Variants in WNK2 observed in about 807,000 individuals in gnomAD.
WNK2 encodes the protein WNK lysine deficient protein kinase 2.
A neutral mutation model predicts 192.1 loss-of-function variants in WNK2; 67 were observed. The observed-to-expected ratio is 0.35, with a 90% CI of 0.29 to 0.43. The LOEUF is 0.43. Ranked by LOEUF, WNK2 falls within the 20% of genes least tolerant of loss-of-function variation. The probability of loss-of-function intolerance (pLI) is 1.00; values close to 1 mark genes in which losing one functional copy is unlikely to be tolerated. For missense variants in WNK2, 2,698 were observed against 3,089.7 expected (o/e 0.87, Z 3.01); for synonymous variants, 1,439 against 1,393.9 (o/e 1.03, Z -0.72).
Position 93,247,710 on chromosome 9 carries a change from C to G in WNK2, c.1710C>G (p.Pro570=), listed in dbSNP as rs748583132. Residue 570 remains proline (P), a synonymous_variant, in exon 8 of 30, where the codon CCC becomes CCG. Transcript: ENST00000427277. This position sits in a 1 kb window ranked among gnomAD's most constrained non-coding sequence, Gnocchi z 5.2. ...SPDKARGPPV[P]LQVQVTYHAQ... is the part of the protein sequence containing the mutation. ...ACAAGGCCAGGGGTCCGCCGGTGCC[C>G]CTGCAGGTCCAGGTGACCTACCATG... The G allele has an allele frequency of 6.4e-7, 1 of 1,562,150 alleles. No individual in the cohort carries two copies. Among genetic ancestry groups the G allele is most frequent in the Non-Finnish European group, 8.7e-7 (1 of 1,153,746 alleles).
In WNK2 at chr9:93,234,963, T is replaced by A; in HGVS notation, c.1231T>A (p.Cys411Ser). The A allele has an allele frequency of 6.2e-7, 1 of 1,614,028 alleles. No homozygotes were observed. The highest frequency in any genetic ancestry group is 8.5e-7 in the Non-Finnish European group (1 of 1,179,906). ...GGCCCAGATCTACCGCAAGGTCACC[T>A]GTGTGAGTCCACCTGGCCCCTTGGT... The part of the protein sequence containing the change: ...NAAQIYRKVT[C>S]GIKPASFEKV... The change falls in exon 5 of 30, where the codon TGT becomes AGT. Residue 411 changes from cysteine to serine, a missense_variant and splice_region_variant. Transcript: ENST00000427277.
chr9:93,314,895 G>C (rs992398244), intron 28 of WNK2, among the ~76,000 whole-genome samples: 3 of 152,092 alleles, frequency 2.0e-5, no homozygotes, highest in African/African-American at 7.2e-5. Context: ...TTTCCCGGGG[G>C]GGGTTTTGCT....
In WNK2 at chr9:93,247,686, C is replaced by G. The variant is rs757865096; in HGVS notation, c.1686C>G (p.Asp562Glu). Residue 562 changes from aspartate to glutamate, a missense_variant, in exon 8 of 30, where the codon GAC (aspartate) becomes GAG (glutamate). Asp to Glu is a conservative substitution (Grantham distance 45). Coordinates refer to ENST00000427277, the MANE Select transcript of WNK2 (RefSeq NM_006648.4). This position sits in a 1 kb window ranked among gnomAD's most constrained non-coding sequence, Gnocchi z 5.2. ...AGCAGCAGGATGTGGGCAGCCCGGA[C>G]AAGGCCAGGGGTCCGCCGGTGCCCC... ...PKEQQDVGSP[D>E]KARGPPVPLQ... 6 of 1,572,404 alleles carry G rather than the reference C, an allele frequency of 3.8e-6. No individual in the cohort carries two copies. The African/African-American group carries it at 5.4e-5, about 14-fold the overall frequency.
At chr9:93,318,758 G>T in intron 29 of WNK2, 2 of 1,420,768 alleles carry the variant, frequency 1.4e-6, no homozygotes, top group South Asian at 3.1e-5. Context: ...CTGCTCTGCG[G>T]AGGGCGGGGT....
Position 93,264,044 on chromosome 9 carries a change from G to T in WNK2, c.3696+11G>T. 6.2e-7 allele frequency: 1 copy of T among 1,604,632 alleles called. No individual in the cohort carries two copies. The highest frequency in any genetic ancestry group is 1.3e-5 in the African/African-American group (1 of 74,866). On this transcript the variant is annotated intron_variant, in intron 16 of 29. Transcript: ENST00000427277. ...ATTGCCACGTATATGGTGAGGCTGGGTCTGGGTGGCTTGGCTCCCGGTGTT... is the reference window on the plus strand; with the variant it reads ...ATTGCCACGTATATGGTGAGGCTGGTTCTGGGTGGCTTGGCTCCCGGTGTT...
intron 19 of WNK2, among the ~76,000 whole-genome samples, chr9:93,269,498 C>T (rs1457612596): frequency 2.0e-5 from 3 of 152,126 alleles, no homozygotes; most frequent in African/African-American, 7.2e-5. Context: ...AGCCTAATAA[C>T]GAAATCCAAA....
chr9:93,214,305 ATT>A (rs1260656251), intron 2 of WNK2, among the ~76,000 whole-genome samples: 1 of 151,152 alleles, frequency 6.6e-6, no homozygotes. Flanking sequence ...TTATATATTT[ATT>A]TATTTATTTA....
intron 7 of WNK2, among the ~76,000 whole-genome samples, chr9:93,243,910 C>G (rs1267633590): frequency 6.6e-6 from 1 of 152,260 alleles, no homozygotes; most frequent in African/African-American, 2.4e-5. Flanking sequence ...ACACTAGCAC[C>G]TGGCTCTGAG....
chr9:93,293,208 C>T (rs1849654527), intron 23 of WNK2, 35 bp downstream of exon 23: 1 of 1,412,008 alleles, frequency 7.1e-7, no homozygotes, highest in South Asian at 1.6e-5. Context: ...TGCCCCCGCC[C>T]CTGGGCCATG....
intron 23 of WNK2, among the ~76,000 whole-genome samples, chr9:93,294,421 G>A (rs545590921): frequency 6.6e-6 from 1 of 152,332 alleles, no homozygotes; most frequent in African/African-American, 2.4e-5. Context: ...CTTGGTGGAG[G>A]CCAGAGAGTG....
intron 20 of WNK2, 99 bp downstream of exon 20, chr9:93,289,719 G>T: frequency 8.1e-7 from 1 of 1,230,750 alleles, no homozygotes; most frequent in Non-Finnish European, 1.1e-6. Context: ...ATGCAGAGCC[G>T]CCCTCACTCA....
rs952400417 is a variant in WNK2, at chr9:93,212,952, G to A, written c.682-16744G>A. ...TGTTCCCACCTTTTGAATGTGAAAC[G>A]TCATAGGTGGAGGTGGAGAAGTCCC... On this transcript the variant is annotated intron_variant, in intron 2 of 29. Transcript: ENST00000427277. Among the ~76,000 whole-genome samples the A allele has an allele frequency of 5.3e-5, 8 of 152,156 alleles. No individual in the cohort carries two copies. The South Asian group carries it at 6.2e-4, about 12-fold the overall frequency.
rs10114908 is a variant in WNK2, at chr9:93,259,469, G to A, written c.2921G>A (p.Arg974Gln). 1.2e-5 allele frequency: 13 copies of A among 1,104,174 alleles called. No homozygotes were observed. The highest frequency in any genetic ancestry group is 2.9e-5 in the Admixed American group (1 of 33,952). 68.4% of individuals were successfully genotyped at this position (1,104,174 alleles called of 1,614,324 possible). Residue 974 changes from arginine to glutamine, a missense_variant, in exon 12 of 30, where the codon CGG becomes CAG. Physicochemically the swap from Arg to Gln is conservative, Grantham distance 43. Around this residue, in one of 7 missense-constraint regions of WNK2, gnomAD observed 893 missense variants for 909.0 expected, o/e 0.98. Transcript: ENST00000427277. The surrounding 1 kb of genome is among the most constrained non-coding windows in gnomAD (Gnocchi z 4.8). ...PQPVLPPQPTRPPQPVLPPQP... is the reference protein window; with the variant it reads ...PQPVLPPQPTQPPQPVLPPQP... ...CCTGTGTTGCCCCCGCAACCCACAC[G>A]GCCCCCTCAACCTGTGCTGCCCCCG... is the stretch of plus-strand genomic sequence containing the variant.
At chr9:93,211,131 T>TATTC (rs1834458596) in intron 2 of WNK2, among the ~76,000 whole-genome samples, 49 of 8,104 alleles carry the variant, frequency 6.0e-3, no homozygotes, top group Admixed American at 9.4e-3. Context: ...TCCCCTCACT[T>TATTC]ACTCATCCAC....
chr9:93,223,675 C>G (rs983416853), intron 2 of WNK2, among the ~76,000 whole-genome samples: 2 of 152,200 alleles, frequency 1.3e-5, no homozygotes, highest in Admixed American at 6.5e-5. Context: ...GACCCTCTCT[C>G]CACTTTGTGG....
intron 2 of WNK2, among the ~76,000 whole-genome samples, chr9:93,197,591 A>G (rs938595833): frequency 9.2e-5 from 14 of 151,596 alleles, no homozygotes; most frequent in African/African-American, 3.4e-4. Context: ...CAGTGGTGTG[A>G]TCTTGGCTCA....
At chr9:93,299,560 T>A (rs544903887) in intron 25 of WNK2, among the ~76,000 whole-genome samples, 1 of 152,254 alleles carries the variant, frequency 6.6e-6, no homozygotes, top group Non-Finnish European at 1.5e-5. Flanking sequence ...CATCCGGCTG[T>A]GTGCTCCGGC....
At chr9:93,190,744 T>C (rs1417881976) in intron 2 of WNK2, among the ~76,000 whole-genome samples, 1 of 152,172 alleles carries the variant, frequency 6.6e-6, no homozygotes, top group East Asian at 1.9e-4. Flanking sequence ...AGGGTCAGTG[T>C]TCTTATTTTT....
intron 8 of WNK2, among the ~76,000 whole-genome samples, chr9:93,251,112 A>T (rs1427929629): frequency 4.7e-5 from 7 of 147,918 alleles, no homozygotes; most frequent in African/African-American, 1.0e-4. Flanking sequence ...TTTAATTTTT[A>T]AAAATTTTTT....
Sources: allele counts gnomAD v4.1 joint callset (sites outside exome capture counted in the v4.1 genomes callset), GRCh38; gene constraint gnomAD v4.1.1; regional missense constraint gnomAD v4.1.1; non-coding constraint Gnocchi (gnomAD v3.1); transcripts MANE v1.5; gene names NCBI Gene and HGNC (gene_info 2026-07-23, HGNC 2026-07-21).